The following GLYATL1 variants were observed in gnomAD, a reference collection of about 807,000 sequenced individuals.
GLYATL1 encodes glycine-N-acyltransferase like 1.
Under a neutral mutation model 20.0 loss-of-function variants are expected in GLYATL1, and 15 were observed. The observed-to-expected ratio is 0.75, with a 90% CI of 0.50 to 1.15. The LOEUF is 1.15. Ranked by LOEUF, GLYATL1 falls within the 50% of genes most tolerant of loss-of-function variation. The pLI, the probability that GLYATL1 is intolerant of heterozygous loss-of-function variation, is 0.00. For synonymous variants in GLYATL1, 151 were observed against 131.5 expected (o/e 1.15, Z -1.01); for missense variants, 380 against 368.5 (o/e 1.03, Z -0.26).
At chr11:58,927,284 GT>G (rs991388044), upstream of GLYATL1, among the ~76,000 whole-genome samples, 2 of 152,210 alleles carry the variant, frequency 1.3e-5, no homozygotes, top group African/African-American at 2.4e-5. Context: ...CTGAAAAGAG[GT>G]TTTTCAAATT....
upstream of GLYATL1, among the ~76,000 whole-genome samples, chr11:58,924,856 G>A (rs1339416432): frequency 6.6e-6 from 1 of 152,242 alleles, no homozygotes; most frequent in African/African-American, 2.4e-5. Flanking sequence ...AAGCTGGAAA[G>A]GGAGTATTTG....
chr11:58,955,786 T>G lies in GLYATL1; in HGVS notation c.668T>G (p.Met223Arg). The G allele has an allele frequency of 6.2e-7, 1 of 1,614,210 alleles. No individual in the cohort carries two copies. The highest frequency in any genetic ancestry group is 1.1e-5 in the South Asian group (1 of 91,088). Residue 223 changes from methionine to arginine, a missense_variant, in exon 7 of 7, where the codon ATG (methionine) becomes AGG (arginine). Physicochemically the swap from Met to Arg is moderately conservative, Grantham distance 91. Coordinates refer to ENST00000532726, the MANE Select transcript of GLYATL1 (RefSeq NM_001389712.2). Reference sequence around the variant, plus strand: ...GGAGTCCCGGTCTCATGGGTAACCATGGACCCTTCTTGTGAAGTAGGAATG... The same window carrying G: ...GGAGTCCCGGTCTCATGGGTAACCAGGGACCCTTCTTGTGAAGTAGGAATG... The part of the protein sequence containing the change: ...PEGVPVSWVT[M>R]DPSCEVGMAY...
intron 2 of GLYATL1, among the ~76,000 whole-genome samples, chr11:58,946,074 C>G (rs939097081): frequency 6.6e-6 from 1 of 152,158 alleles, no homozygotes; most frequent in Non-Finnish European, 1.5e-5. Flanking sequence ...TGGGTTCCTT[C>G]TCTTACATTA....
intron 1 of GLYATL1, among the ~76,000 whole-genome samples, chr11:58,931,653 A>G (rs978097037): frequency 3.9e-5 from 6 of 152,218 alleles, no homozygotes; most frequent in Non-Finnish European, 8.8e-5. Flanking sequence ...CCTTTGAAAG[A>G]TGTTGTAATG....
In GLYATL1 at chr11:58,953,712, C is replaced by T. The variant is rs570605621; in HGVS notation, c.187-1058C>T. On this transcript the variant is annotated intron_variant, in intron 4 of 6. Coordinates refer to ENST00000532726, the MANE Select transcript of GLYATL1 (RefSeq NM_001389712.2). ...ACATCTACTCTTCTAAATTCACTGA[C>T]GTTTTGGGTTTGACCATATTCAGGA... Among the ~76,000 whole-genome samples the T allele has an allele frequency of 5.7e-4, 86 of 152,154 alleles. 2 individuals are homozygous for T. In the South Asian group the frequency reaches 0.016, roughly 29 times the overall value.
intron 1 of GLYATL1, chr11:58,928,559 GCT>G (rs1293626226): frequency 6.6e-6 from 1 of 152,214 alleles, no homozygotes; most frequent in African/African-American, 2.4e-5. Context: ...CAGGGCAGTA[GCT>G]ACCTGTGTCT....
chr11:58,939,099 T>C (rs1392654236), upstream of GLYATL1, among the ~76,000 whole-genome samples: 1 of 152,180 alleles, frequency 6.6e-6, no homozygotes, highest in Non-Finnish European at 1.5e-5. Flanking sequence ...GAAACTTTTA[T>C]TTGTTTTATA....
upstream of GLYATL1, among the ~76,000 whole-genome samples, chr11:58,937,948 C>T (rs1018116148): frequency 5.3e-5 from 8 of 152,226 alleles, no homozygotes; most frequent in African/African-American, 1.9e-4. Context: ...CATTCCCTGC[C>T]ATGAGCAAGA....
chr11:58,910,777 G>A (rs187417876), downstream of GLYATL1, among the ~76,000 whole-genome samples: 39 of 152,322 alleles, frequency 2.6e-4, 2 homozygotes, highest in East Asian at 6.9e-3. Flanking sequence ...CAGATTATTT[G>A]AAAGACTTTA....
At chr11:58,912,988 C>T (rs1855087212), downstream of GLYATL1, among the ~76,000 whole-genome samples, 1 of 152,160 alleles carries the variant, frequency 6.6e-6, no homozygotes, top group Admixed American at 6.5e-5. Context: ...TCTGAGGAGG[C>T]CCTGAAGACA....
exon 1 of GLYATL1, chr11:58,927,704 C>G (rs1454204372): frequency 6.6e-6 from 1 of 152,118 alleles, no homozygotes; most frequent in Non-Finnish European, 1.5e-5. Flanking sequence ...GGTATCTGAT[C>G]GCTTTGCCAA....
chr11:58,944,858 A>G (rs1418046236), intron 2 of GLYATL1, among the ~76,000 whole-genome samples: 1 of 151,964 alleles, frequency 6.6e-6, no homozygotes, highest in African/African-American at 2.4e-5. Context: ...TAAGGAATGA[A>G]ATTCTGATAC....
intron 1 of GLYATL1, chr11:58,905,727 A>G (rs1338100181): frequency 1.1e-5 from 2 of 175,828 alleles, no homozygotes; most frequent in Non-Finnish European, 2.3e-5. Context: ...GGGATGGGTC[A>G]TCTGGACAAA....
At chr11:58,936,893 C>T (rs1565125136), upstream of GLYATL1, among the ~76,000 whole-genome samples, 1 of 152,116 alleles carries the variant, frequency 6.6e-6, no homozygotes, top group Non-Finnish European at 1.5e-5. Context: ...CATCACCAAC[C>T]CAGAACAGTT....
chr11:58,916,517 T>C (rs1221383888), intron 1 of GLYATL1, among the ~76,000 whole-genome samples: 1 of 152,214 alleles, frequency 6.6e-6, no homozygotes, highest in Non-Finnish European at 1.5e-5. Flanking sequence ...TAGCAGAGCC[T>C]GGATGTGTGC....
Position 58,907,472 on chromosome 11 carries a change from CTTTT to C in GLYATL1, n.473_476del, listed in dbSNP as rs1301426806. 4 of 296,302 alleles carry C rather than the reference CTTTT, an allele frequency of 1.3e-5. No homozygotes were observed. In the African/African-American group the frequency reaches 1.8e-4, roughly 13 times the overall value. 18.4% of individuals were successfully genotyped at this position (296,302 alleles called of 1,614,324 possible). On this transcript the variant is annotated non_coding_transcript_exon_variant, in exon 2 of 2. Coordinates refer to the GLYATL1 transcript ENST00000524629. Reference sequence around the variant, plus strand: ...AAACCATTATTTCATGTATTTCGCTCTTTTTTGTTTGTTTTGTTTTGTTTTGTTT... The same window carrying C: ...AAACCATTATTTCATGTATTTCGCTCTTGTTTGTTTTGTTTTGTTTTGTTT...
intron 3 of GLYATL1, chr11:58,947,449 G>A: frequency 6.1e-6 from 3 of 495,248 alleles, no homozygotes; most frequent in Non-Finnish European, 1.1e-5. Flanking sequence ...TTCCAAGGCT[G>A]CCATTTTCTA....
intron 1 of GLYATL1, among the ~76,000 whole-genome samples, chr11:58,933,216 A>C (rs1855679680): frequency 6.6e-6 from 1 of 152,220 alleles, no homozygotes; most frequent in Non-Finnish European, 1.5e-5. Flanking sequence ...AAGAGGCAAC[A>C]AAATATTAAT....
chr11:58,939,772 C>T (rs1158657183), intron 1 of GLYATL1, 122 bp downstream of exon 1: 1 of 152,172 alleles, frequency 6.6e-6, no homozygotes, highest in African/African-American at 2.4e-5. Flanking sequence ...AATACCCTGA[C>T]TGTTTCAGTA....
Sources: allele counts gnomAD v4.1 joint callset (sites outside exome capture counted in the v4.1 genomes callset), GRCh38; gene constraint gnomAD v4.1.1; transcripts MANE v1.5; gene names NCBI Gene and HGNC (gene_info 2026-07-23, HGNC 2026-07-21).